SPATA6: variants seen among roughly 807,000 people sequenced by gnomAD.
SPATA6 encodes spermatogenesis associated 6.
In SPATA6, 56 loss-of-function variants were observed where a neutral mutation model predicts 65.3. The ratio of observed to expected loss-of-function variants is 0.86; its 90% CI spans 0.69 to 1.07. The LOEUF is 1.07. Ranked by LOEUF, SPATA6 falls within the 50% of genes least tolerant of loss-of-function variation. SPATA6 has a pLI of 0.00. For synonymous variants in SPATA6, 199 were observed against 213.2 expected, an observed-to-expected ratio of 0.93 and a Z score of 0.58; for missense variants, 590 against 594.8, an observed-to-expected ratio of 0.99 and a Z score of 0.08.
chr1:48,374,712 T>C (rs1219969706), intron 9 of SPATA6, among the ~76,000 whole-genome samples: 1 of 152,122 alleles, frequency 6.6e-6, no homozygotes, highest in East Asian at 1.9e-4. Flanking sequence ...CTGAACAAAT[T>C]CCTTCCTTAT....
chr1:48,296,823 G>C lies in SPATA6; in HGVS notation c.*1890C>G, dbSNP rs1271258447. 6.6e-6 allele frequency: 1 copy of C among 152,036 alleles called. No individual in the cohort carries two copies. The highest frequency in any genetic ancestry group is 1.5e-5 in the Non-Finnish European group (1 of 68,004). 9.4% of individuals were successfully genotyped at this position (152,036 alleles called of 1,614,324 possible). On this transcript the variant is annotated 3_prime_UTR_variant, in exon 13 of 13. Transcript: ENST00000371847. Reference sequence around the variant, plus strand: ...ATTGGCAGGTAGTGTGAGGAGCTAGGGGAATGGGGGGTGGTGGCAAGAATA... The same window carrying C: ...ATTGGCAGGTAGTGTGAGGAGCTAGCGGAATGGGGGGTGGTGGCAAGAATA...
rs558350263 is a variant in SPATA6 at position 48,436,604 on chromosome 1, G to T, written c.238+14948C>A. On this transcript the variant is annotated intron_variant, in intron 3 of 12. Transcript: ENST00000371847. ...CATCTGCATAGTTTGGTTAAGCATG[G>T]ACAGAGGCATAGGGCTGTGTATGAT... The T allele has an allele frequency of 2.5e-4, 409 of 1,613,758 alleles. 4 individuals are homozygous for T. In the South Asian group the frequency reaches 4.2e-3, roughly 17 times the overall value.
intron 11 of SPATA6, among the ~76,000 whole-genome samples, chr1:48,330,426 C>T (rs2067691): frequency 0.016 from 2,480 of 152,242 alleles, 79 homozygotes; most frequent in African/African-American, 0.057. Flanking sequence ...ATCTGGATGG[C>T]AGAGCAAGAG....
At chr1:48,289,105 G>C in the SPATA6 span, among the ~76,000 whole-genome samples, 273 of 152,330 alleles carry the variant, frequency 1.8e-3, no homozygotes, top group African/African-American at 6.4e-3. Flanking sequence ...AGTAGGGGCT[G>C]ACTGACACCT....
intron 12 of SPATA6, among the ~76,000 whole-genome samples, chr1:48,300,154 T>C (rs1036744225): frequency 4.6e-5 from 7 of 152,190 alleles, no homozygotes; most frequent in African/African-American, 1.7e-4. Context: ...TTCTTAAGGA[T>C]TAATAGCACT....
chr1:48,319,457 G>A lies in SPATA6; in HGVS notation c.1195-13579C>T, dbSNP rs1446575145. 1.3e-5 allele frequency among the ~76,000 whole-genome samples: 2 copies of A among 152,122 alleles called. 1 individual carries two copies. The highest frequency in any genetic ancestry group is 4.1e-4 in the South Asian group (2 of 4,824). ...GCAGCTAGTGAGCGCCTCTGTCATGGAGAGCAATCAAAATAGCAAGGAAAT... is the reference window on the plus strand; with the variant it reads ...GCAGCTAGTGAGCGCCTCTGTCATGAAGAGCAATCAAAATAGCAAGGAAAT... On this transcript the variant is annotated intron_variant, in intron 11 of 12. Coordinates refer to ENST00000371847, the MANE Select transcript of SPATA6 (RefSeq NM_019073.4).
chr1:48,286,920 T>TC, the SPATA6 span, among the ~76,000 whole-genome samples: 1 of 150,944 alleles, frequency 6.6e-6, no homozygotes, highest in East Asian at 2.0e-4. Context: ...GCACCTGTAG[T>TC]CCCAGCTACT....
At chr1:48,291,913 T>C (rs909532007), downstream of SPATA6, among the ~76,000 whole-genome samples, 28 of 152,216 alleles carry the variant, frequency 1.8e-4, no homozygotes, top group African/African-American at 6.8e-4. Context: ...TTTATGTTTA[T>C]GGGTTTTTTA....
downstream of SPATA6, among the ~76,000 whole-genome samples, chr1:48,290,476 G>A (rs1338966162): frequency 6.6e-6 from 1 of 152,072 alleles, no homozygotes; most frequent in Non-Finnish European, 1.5e-5. Context: ...ATCATGACAG[G>A]ATCAAATTCA....
At chr1:48,341,961 G>C (rs775058858) in intron 11 of SPATA6, among the ~76,000 whole-genome samples, 5 of 152,142 alleles carry the variant, frequency 3.3e-5, no homozygotes, top group Non-Finnish European at 7.3e-5. Flanking sequence ...CTGTGTACAT[G>C]TTCACCAAAG....
intron 6 of SPATA6, chr1:48,400,899 T>A: frequency 9.1e-7 from 1 of 1,093,090 alleles, no homozygotes; most frequent in Non-Finnish European, 1.2e-6. Flanking sequence ...ATTTCACCCA[T>A]CTCTGTGACA....
At chr1:48,425,174 G>C (rs1653720407) in intron 3 of SPATA6, among the ~76,000 whole-genome samples, 1 of 152,154 alleles carries the variant, frequency 6.6e-6, no homozygotes, top group African/African-American at 2.4e-5. Context: ...TGTATATGGT[G>C]AGAGATAGGG....
At chr1:48,320,914 G>C (rs1229650469) in intron 11 of SPATA6, among the ~76,000 whole-genome samples, 5 of 152,112 alleles carry the variant, frequency 3.3e-5, no homozygotes, top group Non-Finnish European at 7.4e-5. Context: ...CTTTTTGCTT[G>C]TTTATTTAAG....
the SPATA6 span, among the ~76,000 whole-genome samples, chr1:48,285,902 C>A: frequency 6.6e-6 from 1 of 152,164 alleles, no homozygotes; most frequent in African/African-American, 2.4e-5. Context: ...GCCAGCCACC[C>A]CCCAACATCT....
At chr1:48,391,776 A>G (rs1024295313) in intron 8 of SPATA6, among the ~76,000 whole-genome samples, 1 of 152,190 alleles carries the variant, frequency 6.6e-6, no homozygotes, top group Non-Finnish European at 1.5e-5. Flanking sequence ...TCAGAATGGT[A>G]TAATAATTAT....
At chr1:48,427,433 G>GC (rs1553168950) in intron 3 of SPATA6, among the ~76,000 whole-genome samples, 4 of 116,316 alleles carry the variant, frequency 3.4e-5, no homozygotes, top group African/African-American at 1.0e-4. Context: ...GAAAATTGAG[G>GC]CAAAAAAAAA....
At chr1:48,456,495 T>A (rs556094562) in intron 1 of SPATA6, among the ~76,000 whole-genome samples, 1 of 150,730 alleles carries the variant, frequency 6.6e-6, no homozygotes, top group African/African-American at 2.4e-5. Flanking sequence ...AGCCTATACA[T>A]GGGGGAAAAA....
chr1:48,282,450 A>G, the SPATA6 span, among the ~76,000 whole-genome samples: 1 of 152,230 alleles, frequency 6.6e-6, no homozygotes. Context: ...GAAAGGGGCT[A>G]ATATCCAGAA....
rs1046396940 is a variant in SPATA6 at position 48,367,974 on chromosome 1, C to G, written c.910-8204G>C. On this transcript the variant is annotated intron_variant, in intron 9 of 12. Coordinates refer to ENST00000371847, the MANE Select transcript of SPATA6 (RefSeq NM_019073.4). ...ATGTTTAGTGCTTCCTTCAGGAGCT[C>G]TTTTAGGGCAGGCGTGGTGGTGACA... Among the ~76,000 whole-genome samples the G allele has an allele frequency of 1.4e-4, 21 of 152,106 alleles. 1 individual carries two copies. The highest frequency in any genetic ancestry group is 5.1e-4 in the African/African-American group (21 of 41,424).
Sources: gnomAD v4.1 joint callset for allele counts (sites outside exome capture counted in the v4.1 genomes callset) on GRCh38, gnomAD v4.1.1 for gene constraint, MANE v1.5 for transcripts, NCBI Gene and HGNC (gene_info 2026-07-23, HGNC 2026-07-21) for gene names.